The following MBOAT4 variants were observed in gnomAD, a reference collection of about 807,000 sequenced individuals.
The protein encoded by MBOAT4 is membrane-bound ghrelin O-acyltransferase MBOAT4.
MBOAT4 carries 11 observed loss-of-function variants against 13.2 expected under a neutral mutation model. The observed-to-expected ratio is 0.84, with a 90% CI of 0.53 to 1.38. The LOEUF is 1.38. MBOAT4 is among the 40% of genes most tolerant of loss of function. MBOAT4 has a pLI of 0.00. For synonymous variants in MBOAT4, 202 were observed against 210.3 expected (o/e 0.96, Z 0.34); for missense variants, 481 against 527.2 (o/e 0.91, Z 0.86).
intron 2 of MBOAT4, among the ~76,000 whole-genome samples, chr8:30,134,660 G>C (rs569944196): frequency 6.7e-6 from 1 of 149,850 alleles, no homozygotes; most frequent in East Asian, 2.0e-4. Context: ...CGATTCTCCT[G>C]CTTCAGCATC....
At chr8:30,137,769 AC>A (rs1393204700) in intron 2 of MBOAT4, 1 of 420,426 alleles carries the variant, frequency 2.4e-6, no homozygotes, top group Non-Finnish European at 4.3e-6. Context: ...CCCAAAACAA[AC>A]CCCCTTCTTG....
At position 30,144,571 on chromosome 8, in the gene MBOAT4, G is replaced by A. The variant is rs79283506; in HGVS notation, c.31C>T (p.Pro11Ser). MEWLWLFFLH[P>S]ISFYQGAAFP... Reference sequence around the variant, plus strand: ...GCAGCCCCCTGGTAAAACGATATAGGATGGAGAAAGAACAGCCAAAGCCAC... The same window carrying A: ...GCAGCCCCCTGGTAAAACGATATAGAATGGAGAAAGAACAGCCAAAGCCAC... Residue 11 changes from proline (P) to serine (S), a missense_variant, in exon 1 of 3, where the codon CCT becomes TCT. Transcript: ENST00000320542. The A allele has an allele frequency of 6.4e-7, 1 of 1,551,402 alleles. No homozygotes were observed. The highest frequency in any genetic ancestry group is 1.4e-5 in the African/African-American group (1 of 73,144).
chr8:30,135,460 T>C (rs1404444122), intron 2 of MBOAT4, among the ~76,000 whole-genome samples: 1 of 152,180 alleles, frequency 6.6e-6, no homozygotes, highest in Non-Finnish European at 1.5e-5. Flanking sequence ...AGGCCCTGGC[T>C]GTAGGACTTT....
rs1803055628 is a variant in MBOAT4, at chr8:30,132,789, AGAGC to A, written c.458_461del (p.Ser153IlefsTer52). The A allele has an allele frequency of 6.4e-7, 1 of 1,551,644 alleles. No individual in the cohort carries two copies. Among genetic ancestry groups the A allele is most frequent in the Non-Finnish European group, 8.7e-7 (1 of 1,147,014 alleles). On this transcript the variant is annotated frameshift_variant, in exon 3 of 3. Transcript: ENST00000320542. LOFTEE classifies it low-confidence loss of function (END_TRUNC). Reference sequence around the variant, plus strand: ...GTGCCTTACACACATGCTCAGACAAAGAGCTCCTGCTCCTGAAGCCTCCAGATGC... The same window carrying A: ...GTGCCTTACACACATGCTCAGACAAATCCTGCTCCTGAAGCCTCCAGATGC...
chr8:30,143,873 T>C (rs2117553858), intron 1 of MBOAT4, among the ~76,000 whole-genome samples: 2 of 152,342 alleles, frequency 1.3e-5, no homozygotes, highest in East Asian at 3.9e-4. Context: ...ATGTATCCAT[T>C]TGGAGAATTC....
intron 2 of MBOAT4, among the ~76,000 whole-genome samples, chr8:30,136,730 C>CTTTTTTT (rs11390350): frequency 7.0e-6 from 1 of 143,788 alleles, no homozygotes; most frequent in African/African-American, 2.6e-5. Context: ...TCCCCCCGAA[C>CTTTTTTT]TTTTTTTTTT....
intron 1 of MBOAT4, among the ~76,000 whole-genome samples, chr8:30,141,993 C>T (rs1020105795): frequency 3.3e-5 from 5 of 152,176 alleles, no homozygotes; most frequent in Non-Finnish European, 7.3e-5. Flanking sequence ...CTTTACTTCC[C>T]TGCTATGGGA....
rs137920756 is a variant in MBOAT4 at position 30,139,938 on chromosome 8, G to C, written c.120-1182C>G. ...ATGACACCATTACACTTCAGCTTGG[G>C]TAACAGTGCAAAATCTTGTCTCTAA... On this transcript the variant is annotated intron_variant, in intron 1 of 2. Transcript: ENST00000320542. Among the ~76,000 whole-genome samples the C allele has an allele frequency of 2.3e-3, 356 of 152,270 alleles. 1 individual carries two copies. The highest frequency in any genetic ancestry group is 7.9e-3 in the African/African-American group (329 of 41,540).
In MBOAT4 at chr8:30,134,439, A is replaced by C. The variant is rs568131909; in HGVS notation, c.345-1533T>G. On this transcript the variant is annotated intron_variant, in intron 2 of 2. Transcript: ENST00000320542. Reference sequence around the variant, plus strand: ...TGCATCTCAAAAAAACAAAACAAAAAAAAAAACAAAAAAAAACTTTGTCTT... The same window carrying C: ...TGCATCTCAAAAAAACAAAACAAAACAAAAAACAAAAAAAAACTTTGTCTT... Among the ~76,000 whole-genome samples, 192 of 152,192 alleles carry C rather than the reference A, an allele frequency of 1.3e-3. 1 individual carries two copies. The highest frequency in any genetic ancestry group is 5.8e-3 in the East Asian group (30 of 5,192).
intron 2 of MBOAT4, chr8:30,137,612 T>G: frequency 1.2e-6 from 1 of 818,374 alleles, no homozygotes; most frequent in East Asian, 2.7e-5. Context: ...ATTGCAAAAT[T>G]ATAACTGAGA....
intron 2 of MBOAT4, among the ~76,000 whole-genome samples, chr8:30,136,298 GACACAGACACAT>G (rs1803137732): frequency 6.6e-6 from 1 of 152,142 alleles, no homozygotes; most frequent in Non-Finnish European, 1.5e-5. Context: ...AGACAATTAG[GACACAGACACAT>G]GCACAGACAG....
At chr8:30,137,536 T>G (rs1434522906) in intron 2 of MBOAT4, 1 of 1,423,396 alleles carries the variant, frequency 7.0e-7, no homozygotes, top group African/African-American at 1.4e-5. Context: ...CTGCACCATG[T>G]AGGCAACACG....
intron 2 of MBOAT4, among the ~76,000 whole-genome samples, chr8:30,135,649 C>T (rs181624703): frequency 6.4e-4 from 97 of 152,242 alleles, no homozygotes; most frequent in African/African-American, 2.3e-3. Context: ...TGGCTCACAC[C>T]TGTAATCCCA....
intron 1 of MBOAT4, among the ~76,000 whole-genome samples, chr8:30,139,354 C>A (rs1315444368): frequency 6.6e-6 from 1 of 152,038 alleles, no homozygotes; most frequent in Non-Finnish European, 1.5e-5. Context: ...CTGCCCCTGA[C>A]CGTCCTGGAA....
chr8:30,132,591 C>G lies in MBOAT4; in HGVS notation c.660G>C (p.Val220=). ...LQILGLECLN[V]AVSRVVDAGA... ...CTGCATCCACCACCCTGCTCACTGC[C>G]ACGTTTAGGCATTCTAGTCCAAGAA... Residue 220 remains valine, a synonymous_variant, in exon 3 of 3, where the codon GTG becomes GTC. Coordinates refer to ENST00000320542, the MANE Select transcript of MBOAT4 (RefSeq NM_001100916.2). The G allele has an allele frequency of 6.4e-7, 1 of 1,551,774 alleles. No individual in the cohort carries two copies. The highest frequency in any genetic ancestry group is 1.2e-5 in the South Asian group (1 of 84,064).
In MBOAT4 at chr8:30,132,805, A is replaced by G. The variant is rs774240200; in HGVS notation, c.446T>C (p.Phe149Ser). Residue 149 changes from phenylalanine (F) to serine (S), a missense_variant, in exon 3 of 3, where the codon TTC (phenylalanine) becomes TCC (serine). Phe to Ser is a radical substitution (Grantham distance 155). Coordinates refer to ENST00000320542, the MANE Select transcript of MBOAT4 (RefSeq NM_001100916.2). ...CTCAGACAAAGAGCTCCTGCTCCTG[A>G]AGCCTCCAGATGCTGCCTTCACTTT... ...EGKVKAASGG[F>S]RSRSSLSEHV... 1.0e-5 allele frequency: 16 copies of G among 1,551,652 alleles called. No individual in the cohort carries two copies. The Admixed American group carries it at 2.7e-4, about 27-fold the overall frequency.
chr8:30,134,459 T>G (rs1330883568), intron 2 of MBOAT4, among the ~76,000 whole-genome samples: 4 of 152,026 alleles, frequency 2.6e-5, no homozygotes, highest in Non-Finnish European at 5.9e-5. Context: ...AAAAAAACTT[T>G]GTCTTCCTTT....
At chr8:30,138,267 C>A (rs1184636363) in intron 2 of MBOAT4, 1 of 318,980 alleles carries the variant, frequency 3.1e-6, no homozygotes, top group African/African-American at 2.1e-5. Flanking sequence ...TGCAATTCCC[C>A]TGTTTGTCTA....
At position 30,131,868 on chromosome 8, in the gene MBOAT4, A is replaced by T. The variant is rs1282722189; in HGVS notation, c.*75T>A. The T allele has an allele frequency of 2.1e-6, 3 of 1,453,568 alleles. No homozygotes were observed. Among genetic ancestry groups the T allele is most frequent in the Admixed American group, 2.7e-5 (1 of 37,020 alleles). 90.0% of individuals were successfully genotyped at this position (1,453,568 alleles called of 1,614,324 possible). A position where few individuals can be genotyped will look rare whatever the true frequency, so the allele number is the denominator to read the frequency against. On this transcript the variant is annotated 3_prime_UTR_variant, in exon 3 of 3. Transcript: ENST00000320542. Reference sequence around the variant, plus strand: ...TTTTATTATGGAAAAGTTCAAATGTATGCATTATCGATGCGTCATCTGGCA... The same window carrying T: ...TTTTATTATGGAAAAGTTCAAATGTTTGCATTATCGATGCGTCATCTGGCA...
Sources: gnomAD v4.1 joint callset for allele counts (sites outside exome capture counted in the v4.1 genomes callset) on GRCh38, gnomAD v4.1.1 for gene constraint, MANE v1.5 for transcripts, NCBI Gene and HGNC (gene_info 2026-07-23, HGNC 2026-07-21) for gene names.